The following NGLY1 variants were observed in gnomAD, a reference collection of about 807,000 sequenced individuals.
The protein encoded by NGLY1 is N-glycanase 1.
NGLY1 carries 68 observed loss-of-function variants against 84.6 expected under a neutral mutation model. That is an observed-to-expected ratio of 0.80 (90% CI 0.66 to 0.98). The LOEUF is 0.98. Among genes scored for constraint, NGLY1 ranks in the 50% least tolerant of loss-of-function variants. The pLI is 0.00. For synonymous variants in NGLY1, 280 were observed against 275.2 expected (o/e 1.02, Z -0.17); for missense variants, 779 against 770.2 (o/e 1.01, Z -0.14).
At chr3:25,737,167 C>T (rs1705869983) in intron 6 of NGLY1, 167 bp downstream of exon 6, 1 of 536,720 alleles carries the variant, frequency 1.9e-6, no homozygotes, top group Non-Finnish European at 3.2e-6. Context: ...TCTTGTGATC[C>T]CTTCAAAAAA....
chr3:25,755,588 C>T, intron 3 of NGLY1: 1 of 1,451,488 alleles, frequency 6.9e-7, no homozygotes, highest in East Asian at 2.3e-5. Context: ...TTCTTATTCC[C>T]ATCAACATGG....
intron 10 of NGLY1, among the ~76,000 whole-genome samples, chr3:25,720,487 G>A (rs1704929932): frequency 6.6e-6 from 1 of 152,132 alleles, no homozygotes; most frequent in African/African-American, 2.4e-5. Context: ...TTTATATTAA[G>A]AAGTTCAACT....
chr3:25,755,285 T>C, intron 3 of NGLY1: 2 of 1,366,296 alleles, frequency 1.5e-6, no homozygotes, highest in Non-Finnish European at 1.0e-6. Context: ...TAGATACTGC[T>C]TAACAGCTCC....
At chr3:25,780,482 G>A (rs1206927705) in intron 1 of NGLY1, among the ~76,000 whole-genome samples, 1 of 152,148 alleles carries the variant, frequency 6.6e-6, no homozygotes, top group African/African-American at 2.4e-5. Context: ...AAAACTGCTT[G>A]AGCTATTTTA....
At position 25,774,179 on chromosome 3, in the gene NGLY1, A is replaced by G. The variant is rs182345599; in HGVS notation, c.246+4395T>C. 2.6e-3 allele frequency among the ~76,000 whole-genome samples: 396 copies of G among 152,302 alleles called. 1 individual carries two copies. The highest frequency in any genetic ancestry group is 9.1e-3 in the African/African-American group (377 of 41,564). ...TACAGGTGGTGGAATTAGCTGTTGT[A>G]TTCTCTTTTCTTGGGGCAGAGTTGT... On this transcript the variant is annotated intron_variant, in intron 2 of 11. Transcript: ENST00000280700.
chr3:25,789,104 A>T (rs927631432), intron 1 of NGLY1, among the ~76,000 whole-genome samples: 10 of 152,202 alleles, frequency 6.6e-5, no homozygotes, highest in Non-Finnish European at 1.5e-4. Flanking sequence ...CATGTGAAAA[A>T]CAGATGTTCG....
At chr3:25,733,503 GTGTGTGTGTGTGTA>G (rs1390001471) in intron 8 of NGLY1, among the ~76,000 whole-genome samples, 2 of 149,810 alleles carry the variant, frequency 1.3e-5, no homozygotes, top group African/African-American at 5.0e-5. Context: ...GTGTGTGTGT[GTGTGTGTGTGTGTA>G]TGTACATACA....
At chr3:25,730,416 GA>G (rs368520299) in intron 9 of NGLY1, 3 of 152,078 alleles carry the variant, frequency 2.0e-5, no homozygotes, top group African/African-American at 7.2e-5. Context: ...TTTCAAAAGG[GA>G]AAACAATGTG....
At position 25,773,934 on chromosome 3, in the gene NGLY1, T is replaced by C. The variant is rs75559090; in HGVS notation, c.246+4640A>G. Among the ~76,000 whole-genome samples the C allele has an allele frequency of 7.5e-4, 114 of 152,290 alleles. 3 individuals carry two copies. The East Asian group carries it at 0.019, about 25-fold the overall frequency. ...GAGCTACTGGGCTCTGAACTGGTAT[T>C]AGAGAGTGTCTGCAAAGAGTCCTGT... On this transcript the variant is annotated intron_variant, in intron 2 of 11. Coordinates refer to ENST00000280700, the MANE Select transcript of NGLY1 (RefSeq NM_018297.4).
chr3:25,784,786 C>T (rs1385623405), upstream of NGLY1, among the ~76,000 whole-genome samples: 2 of 152,194 alleles, frequency 1.3e-5, no homozygotes, highest in Non-Finnish European at 2.9e-5. Flanking sequence ...TTTGGACCAC[C>T]TTCCAAGTAT....
intron 4 of NGLY1, among the ~76,000 whole-genome samples, chr3:25,749,305 T>C (rs1249427178): frequency 1.3e-5 from 2 of 152,240 alleles, no homozygotes; most frequent in Non-Finnish European, 2.9e-5. Context: ...CCCACGTTCA[T>C]AGCAACATTA....
intron 10 of NGLY1, among the ~76,000 whole-genome samples, chr3:25,722,694 G>C (rs1705063287): frequency 6.6e-6 from 1 of 152,144 alleles, no homozygotes; most frequent in Non-Finnish European, 1.5e-5. Context: ...CTCAAGTTTG[G>C]ACAACGCCAC....
intron 9 of NGLY1, 193 bp from the exon 10 acceptor site, chr3:25,729,511 T>C: frequency 2.9e-6 from 1 of 344,478 alleles, no homozygotes; most frequent in Non-Finnish European, 5.1e-6. Flanking sequence ...TAAACATTAC[T>C]AGAGAGAAAA....
At chr3:25,738,909 G>A (rs1388638770) in intron 5 of NGLY1, among the ~76,000 whole-genome samples, 1 of 151,974 alleles carries the variant, frequency 6.6e-6, no homozygotes, top group African/African-American at 2.4e-5. Context: ...TCTGAAAACA[G>A]GCTTATAAAT....
Position 25,733,897 on chromosome 3 carries a change from T to A in NGLY1, c.1235A>T (p.Asp412Val), listed in dbSNP as rs778513258. The A allele has an allele frequency of 2.2e-4, 361 of 1,613,580 alleles. No homozygotes were observed. The highest frequency in any genetic ancestry group is 3.0e-4 in the Non-Finnish European group (355 of 1,179,806). ...CTGCTTATTAAGCCCATTAATAGTG[T>A]CTCGAAGTAATGCTTCTTTAACCTT... ...RTKVKEALLR[D>V]TINGLNKQRQ... The change falls in exon 8 of 12, where the codon GAC becomes GTC. Residue 412 changes from aspartate to valine, a missense_variant. Physicochemically the swap from Asp to Val is radical, Grantham distance 152. Coordinates refer to ENST00000280700, the MANE Select transcript of NGLY1 (RefSeq NM_018297.4).
chr3:25,760,845 A>G, intron 3 of NGLY1, among the ~76,000 whole-genome samples: 3 of 136,982 alleles, frequency 2.2e-5, no homozygotes, highest in South Asian at 2.5e-4. Context: ...GGGCAACAAG[A>G]GTGAAACTCT....
upstream of NGLY1, among the ~76,000 whole-genome samples, chr3:25,784,984 A>G (rs541060401): frequency 2.9e-4 from 44 of 152,190 alleles, no homozygotes; most frequent in Non-Finnish European, 4.6e-4. Flanking sequence ...AAAGGGCCAC[A>G]TAGTGTTTTA....
chr3:25,754,882 C>T (rs1706954637), intron 3 of NGLY1: 5 of 633,598 alleles, frequency 7.9e-6, no homozygotes, highest in Non-Finnish European at 1.4e-5. Context: ...AAGTTAAAGA[C>T]TACCAATAGG....
chr3:25,756,903 C>T (rs552502682), intron 3 of NGLY1, among the ~76,000 whole-genome samples: 2 of 152,290 alleles, frequency 1.3e-5, no homozygotes, highest in East Asian at 3.9e-4. Flanking sequence ...TGAACACTTT[C>T]CCAGTTTTCC....
Sources: allele counts gnomAD v4.1 joint callset (sites outside exome capture counted in the v4.1 genomes callset), GRCh38; gene constraint gnomAD v4.1.1; transcripts MANE v1.5; gene names NCBI Gene and HGNC (gene_info 2026-07-23, HGNC 2026-07-21).